MNAT1: variants seen among roughly 807,000 people sequenced by gnomAD.
The protein encoded by MNAT1 is CDK-activating kinase assembly factor MAT1.
In MNAT1, 43 loss-of-function variants were observed where a neutral mutation model predicts 42.0. That is an observed-to-expected ratio of 1.02 (90% CI 0.80 to 1.32). The LOEUF (loss-of-function observed/expected upper bound fraction) is 1.32. Among genes scored for constraint, MNAT1 ranks in the 40% most tolerant of loss-of-function variants. The pLI is 0.00. For synonymous variants in MNAT1, 118 were observed against 120.0 expected, an observed-to-expected ratio of 0.98 and a Z score of 0.11; for missense variants, 306 against 350.4, an observed-to-expected ratio of 0.87 and a Z score of 1.01.
At chr14:60,819,093 AT>A (rs2139364761) in intron 6 of MNAT1, among the ~76,000 whole-genome samples, 1 of 152,164 alleles carries the variant, frequency 6.6e-6, no homozygotes, top group East Asian at 1.9e-4. Context: ...CTCTACTTAC[AT>A]TTTTAAGCTT....
intron 6 of MNAT1, among the ~76,000 whole-genome samples, chr14:60,878,369 T>C (rs2034477818): frequency 6.6e-6 from 1 of 152,050 alleles, no homozygotes; most frequent in Non-Finnish European, 1.5e-5. Context: ...AATGGGTTCC[T>C]TTTACAAATT....
intron 7 of MNAT1, among the ~76,000 whole-genome samples, chr14:60,900,933 A>C (rs2035059263): frequency 7.2e-6 from 1 of 139,228 alleles, no homozygotes; most frequent in Non-Finnish European, 1.5e-5. Flanking sequence ...GGCTGCAGTG[A>C]GCCATGATCA....
chr14:60,853,959 T>C (rs2033893913), intron 6 of MNAT1, among the ~76,000 whole-genome samples: 1 of 152,210 alleles, frequency 6.6e-6, no homozygotes, highest in South Asian at 2.1e-4. Context: ...CTGGGCTTTT[T>C]TCACATAGTC....
intron 7 of MNAT1, among the ~76,000 whole-genome samples, chr14:60,913,971 A>C (rs1483651627): frequency 6.6e-6 from 1 of 152,222 alleles, no homozygotes; most frequent in African/African-American, 2.4e-5. Flanking sequence ...GGTGGGCTCC[A>C]CGCAGTTCGA....
chr14:60,905,565 T>G (rs1401081170), intron 7 of MNAT1, among the ~76,000 whole-genome samples: 1 of 152,180 alleles, frequency 6.6e-6, no homozygotes, highest in Admixed American at 6.5e-5. Context: ...TAACTCACGC[T>G]GAATCCAAAG....
At position 60,812,065 on chromosome 14, in the gene MNAT1, A is replaced by G. The variant is rs1480758534; in HGVS notation, c.499A>G (p.Lys167Glu). ...ENEQRRLFIQ[K>E]EEQLQQILKR... is the part of the protein sequence containing the mutation. ...TGAACAAAGAAGATTATTTATACAA[A>G]AAGAAGAACAACTGCAGCAGATTCT... Residue 167 changes from lysine to glutamate, a missense_variant, in exon 5 of 8, where the codon AAA becomes GAA. Coordinates refer to ENST00000261245, the MANE Select transcript of MNAT1 (RefSeq NM_002431.4). The G allele has an allele frequency of 1.2e-6, 2 of 1,604,352 alleles. No homozygotes were observed. Among genetic ancestry groups the G allele is most frequent in the Non-Finnish European group, 1.7e-6 (2 of 1,176,636 alleles).
chr14:60,958,561 A>G (rs539913570), intron 7 of MNAT1, among the ~76,000 whole-genome samples: 236 of 150,140 alleles, frequency 1.6e-3, no homozygotes, highest in African/African-American at 5.5e-3. Context: ...ATCTTTCCCC[A>G]TATTTAGAAA....
intron 7 of MNAT1, among the ~76,000 whole-genome samples, chr14:60,963,913 A>G (rs554516857): frequency 4.6e-5 from 7 of 152,276 alleles, no homozygotes; most frequent in African/African-American, 1.4e-4. Context: ...TTATGACTGG[A>G]CAGGAAGAGT....
intron 5 of MNAT1, among the ~76,000 whole-genome samples, chr14:60,812,336 C>T (rs1047050105): frequency 4.6e-5 from 7 of 152,168 alleles, no homozygotes; most frequent in Non-Finnish European, 8.8e-5. Flanking sequence ...TTTTTATGCT[C>T]ACAATTCTGT....
At position 60,830,949 on chromosome 14, in the gene MNAT1, A is replaced by G. The variant is rs79997932; in HGVS notation, c.687+12102A>G. Reference sequence around the variant, plus strand: ...CTTAAACATACTCAACTGAATGGATACATTCCCATTCTGTCAGTGCCGTGC... The same window carrying G: ...CTTAAACATACTCAACTGAATGGATGCATTCCCATTCTGTCAGTGCCGTGC... On this transcript the variant is annotated intron_variant, in intron 6 of 7. Transcript: ENST00000261245. Among the ~76,000 whole-genome samples, 179 of 152,206 alleles carry G rather than the reference A, an allele frequency of 1.2e-3. 3 individuals carry two copies. The East Asian group carries it at 0.032, about 27-fold the overall frequency.
chr14:60,825,279 A>G (rs1566782716), intron 6 of MNAT1, among the ~76,000 whole-genome samples: 1 of 152,224 alleles, frequency 6.6e-6, no homozygotes, highest in Non-Finnish European at 1.5e-5. Context: ...AGGGAAAGGT[A>G]AAATTTAGAA....
chr14:60,884,645 T>A (rs1011380227), intron 7 of MNAT1, among the ~76,000 whole-genome samples: 1 of 152,106 alleles, frequency 6.6e-6, no homozygotes, highest in Non-Finnish European at 1.5e-5. Flanking sequence ...TCTATTTATA[T>A]CTTATTGTAC....
intron 7 of MNAT1, among the ~76,000 whole-genome samples, chr14:60,919,056 A>G (rs967257404): frequency 3.3e-5 from 5 of 151,934 alleles, no homozygotes; most frequent in African/African-American, 1.2e-4. Context: ...AATGCTACAC[A>G]CCGAGAGAGA....
chr14:60,823,943 G>C (rs1229833906), intron 6 of MNAT1, among the ~76,000 whole-genome samples: 1 of 152,138 alleles, frequency 6.6e-6, no homozygotes, highest in African/African-American at 2.4e-5. Context: ...TGGATCACGA[G>C]ATCAGGAGTT....
intron 6 of MNAT1, among the ~76,000 whole-genome samples, chr14:60,839,493 A>T (rs1266053232): frequency 6.6e-6 from 1 of 152,150 alleles, no homozygotes; most frequent in Non-Finnish European, 1.5e-5. Context: ...TAGATGTGGG[A>T]TAAAAACTCT....
chr14:60,932,012 TTCTTAC>T (rs2035897102), intron 7 of MNAT1, among the ~76,000 whole-genome samples: 4 of 152,188 alleles, frequency 2.6e-5, no homozygotes, highest in African/African-American at 9.6e-5. Flanking sequence ...ATATTCATAC[TTCTTAC>T]TCTTACTAAT....
At chr14:60,832,520 A>T (rs1403005960) in intron 6 of MNAT1, among the ~76,000 whole-genome samples, 2 of 151,692 alleles carry the variant, frequency 1.3e-5, no homozygotes, top group Non-Finnish European at 2.9e-5. Flanking sequence ...GGCCTCTTTT[A>T]TGTTTCATTG....
rs749623542 is a variant in MNAT1 at position 60,734,983 on chromosome 14, A to T, written c.89+32A>T. On this transcript the variant is annotated intron_variant, in intron 1 of 7. Coordinates refer to ENST00000261245, the MANE Select transcript of MNAT1 (RefSeq NM_002431.4). The surrounding 1 kb of genome is among the most constrained non-coding windows in gnomAD (Gnocchi z 4.3). ...TGGGCGGCAGTGGATTCCCTGGGGG[A>T]GAGACGCGCTGGGTGGGAGGAGAGG... 3.1e-6 allele frequency: 5 copies of T among 1,603,348 alleles called. No individual in the cohort carries two copies. The highest frequency in any genetic ancestry group is 3.4e-6 in the Non-Finnish European group (4 of 1,170,352).
At chr14:60,825,857 T>C (rs2033039259) in intron 6 of MNAT1, among the ~76,000 whole-genome samples, 1 of 152,166 alleles carries the variant, frequency 6.6e-6, no homozygotes, top group Admixed American at 6.5e-5. Flanking sequence ...AACTTTCTTT[T>C]CCTGATCTGC....
Sources: allele counts gnomAD v4.1 joint callset (sites outside exome capture counted in the v4.1 genomes callset), GRCh38; gene constraint gnomAD v4.1.1; non-coding constraint Gnocchi (gnomAD v3.1); transcripts MANE v1.5; gene names NCBI Gene and HGNC (gene_info 2026-07-23, HGNC 2026-07-21).